RAD18: variants seen among roughly 807,000 people sequenced by gnomAD.
The protein encoded by RAD18 is RAD18 E3 ubiquitin protein ligase.
A neutral mutation model predicts 60.4 loss-of-function variants in RAD18; 47 were observed. That is an observed-to-expected ratio of 0.78 (90% CI 0.62 to 0.99). The LOEUF (loss-of-function observed/expected upper bound fraction) is 0.99, where lower values mean the gene tolerates loss of function less well. Among genes scored for constraint, RAD18 ranks in the 50% least tolerant of loss-of-function variants. The probability of loss-of-function intolerance (pLI) is 0.00; values close to 1 mark genes in which losing one functional copy is unlikely to be tolerated. For missense variants in RAD18, 640 were observed against 593.3 expected (o/e 1.08, Z -0.82); for synonymous variants, 225 against 195.5 (o/e 1.15, Z -1.26).
At chr3:8,906,788 G>C (rs1280772926) in intron 9 of RAD18, among the ~76,000 whole-genome samples, 1 of 90,442 alleles carries the variant, frequency 1.1e-5, no homozygotes, top group Middle Eastern at 6.3e-3. Context: ...TGGAGAGGGG[G>C]AAACAGTTTT....
intron 3 of RAD18, among the ~76,000 whole-genome samples, chr3:8,948,171 T>C (rs1266763789): frequency 6.6e-6 from 1 of 152,206 alleles, no homozygotes; most frequent in Non-Finnish European, 1.5e-5. Flanking sequence ...TCTGCACAAA[T>C]ACTTAGACAG....
rs1393319274 is a variant in RAD18 at position 8,941,534 on chromosome 3, A to T, written c.537T>A (p.Ala179=). 18 of 1,614,048 alleles carry T rather than the reference A, an allele frequency of 1.1e-5. No homozygotes were observed. Among genetic ancestry groups the T allele is most frequent in the Non-Finnish European group, 1.4e-5 (17 of 1,179,988 alleles). ...TKETRSVEEI[A]PDPSEAKRPE... is the part of the protein sequence containing the mutation. ...GACGCTTAGCCTCTGAGGGATCTGG[A>T]GCGATCTCTTCTACAGAACGTGTCT... The change falls in exon 5 of 13, where the codon GCT becomes GCA. Residue 179 remains alanine (A), a synonymous_variant. Transcript: ENST00000264926.
intron 11 of RAD18, among the ~76,000 whole-genome samples, chr3:8,897,706 T>C (rs981176103): frequency 3.9e-5 from 6 of 152,212 alleles, no homozygotes; most frequent in African/African-American, 1.2e-4. Context: ...TAAGCAATGA[T>C]TCTGATAGGT....
intron 9 of RAD18, among the ~76,000 whole-genome samples, chr3:8,910,670 G>T (rs537041122): frequency 6.6e-6 from 1 of 151,966 alleles, no homozygotes; most frequent in Non-Finnish European, 1.5e-5. Flanking sequence ...AAATTGTCTG[G>T]CTTGAGCCAT....
chr3:8,948,398 T>A, intron 3 of RAD18, 111 bp downstream of exon 3: 1 of 879,330 alleles, frequency 1.1e-6, no homozygotes, highest in Non-Finnish European at 1.8e-6. Flanking sequence ...TTCATATAGC[T>A]TAATTCAGTA....
At chr3:8,893,677 C>T (rs548574071) in intron 11 of RAD18, among the ~76,000 whole-genome samples, 2 of 149,754 alleles carry the variant, frequency 1.3e-5, no homozygotes, top group East Asian at 2.0e-4. Context: ...TTACTTTGTA[C>T]ACATTAGCTT....
At chr3:8,906,704 T>C (rs1940006917) in intron 9 of RAD18, among the ~76,000 whole-genome samples, 1 of 152,136 alleles carries the variant, frequency 6.6e-6, no homozygotes, top group Admixed American at 6.5e-5. Flanking sequence ...AGATTTTTTT[T>C]TTTTTCATGG....
chr3:8,898,563 C>A (rs1329755125), intron 11 of RAD18, among the ~76,000 whole-genome samples: 3 of 152,108 alleles, frequency 2.0e-5, no homozygotes, highest in African/African-American at 7.2e-5. Context: ...CTGATCATTT[C>A]TGTTTTCCAA....
intron 9 of RAD18, among the ~76,000 whole-genome samples, chr3:8,907,823 G>A (rs1160241592): frequency 6.6e-6 from 1 of 152,134 alleles, no homozygotes; most frequent in Admixed American, 6.5e-5. Context: ...CTAAGACGCT[G>A]GACAAGAACC....
At chr3:8,938,730 T>A (rs1249265595) in intron 6 of RAD18, among the ~76,000 whole-genome samples, 1 of 152,172 alleles carries the variant, frequency 6.6e-6, no homozygotes, top group Non-Finnish European at 1.5e-5. Context: ...AACTCCTATT[T>A]TTAAAAAGAA....
intron 1 of RAD18, among the ~76,000 whole-genome samples, chr3:8,960,309 GA>G (rs1941076767): frequency 6.6e-6 from 1 of 151,042 alleles, no homozygotes; most frequent in African/African-American, 2.4e-5. Flanking sequence ...TCTCAAAAAA[GA>G]AAAAAAGGAA....
intron 1 of RAD18, 52 bp downstream of exon 1, chr3:8,963,283 G>C: frequency 6.5e-7 from 1 of 1,540,498 alleles, no homozygotes. Context: ...TCAAAGGGAG[G>C]GACCTCCCCC....
chr3:8,948,292 T>A (rs1256267620), intron 3 of RAD18, among the ~76,000 whole-genome samples: 1 of 152,234 alleles, frequency 6.6e-6, no homozygotes, highest in African/African-American at 2.4e-5. Context: ...TGCTACTTCC[T>A]AAAATACATT....
rs1209941924 is a variant in RAD18 at position 8,963,446 on chromosome 3, T to C, written c.-61A>G. On this transcript the variant is annotated 5_prime_UTR_variant, in exon 1 of 13. Transcript: ENST00000264926. ...CTAGCCTCCGGCGCTCCAACACCAC[T>C]CGAAATTCCCCGCGCTACCGCATTA... 6.9e-7 allele frequency: 1 copy of C among 1,443,648 alleles called. No individual in the cohort carries two copies. The highest frequency in any genetic ancestry group is 2.1e-5 in the Admixed American group (1 of 48,144). The allele number at this position is 1,443,648 out of a possible 1,614,324, so 89.4% of individuals were successfully genotyped here.
intron 7 of RAD18, among the ~76,000 whole-genome samples, chr3:8,914,295 C>T (rs1940158662): frequency 6.6e-6 from 1 of 152,130 alleles, no homozygotes; most frequent in African/African-American, 2.4e-5. Flanking sequence ...TTTCTGCATC[C>T]AAAGTCAATA....
intron 11 of RAD18, among the ~76,000 whole-genome samples, chr3:8,894,217 G>A (rs756358176): frequency 3.9e-5 from 6 of 152,032 alleles, no homozygotes; most frequent in East Asian, 1.9e-4. Context: ...GGTTTTTGTC[G>A]CACAAACATC....
chr3:8,934,308 C>G (rs895304019), intron 7 of RAD18, among the ~76,000 whole-genome samples: 1 of 152,006 alleles, frequency 6.6e-6, no homozygotes, highest in Admixed American at 6.6e-5. Flanking sequence ...TTCAATGATG[C>G]CATTAAGAGA....
intron 7 of RAD18, among the ~76,000 whole-genome samples, chr3:8,929,909 A>G (rs1450311148): frequency 2.0e-5 from 3 of 152,214 alleles, no homozygotes; most frequent in African/African-American, 7.2e-5. Flanking sequence ...TCCCAAACAA[A>G]GTGCTGGGAT....
intron 7 of RAD18, among the ~76,000 whole-genome samples, chr3:8,919,608 G>A (rs926649222): frequency 6.6e-6 from 1 of 152,204 alleles, no homozygotes. Flanking sequence ...ATCCACGTGT[G>A]CGTATGTATA....
Sources: allele counts gnomAD v4.1 joint callset (sites outside exome capture counted in the v4.1 genomes callset), GRCh38; gene constraint gnomAD v4.1.1; transcripts MANE v1.5; gene names NCBI Gene and HGNC (gene_info 2026-07-23, HGNC 2026-07-21).